The following TM9SF2 variants were observed in gnomAD, a reference collection of about 807,000 sequenced individuals.
TM9SF2 encodes the protein 76 kDa membrane protein.
A neutral mutation model predicts 84.9 loss-of-function variants in TM9SF2; 13 were observed. That is an observed-to-expected ratio of 0.15 (90% CI 0.10 to 0.24). TM9SF2 has a LOEUF of 0.24. TM9SF2 is among the 10% of genes least tolerant of loss of function. TM9SF2 has a pLI of 1.00. For synonymous variants in TM9SF2, 273 were observed against 285.8 expected, an observed-to-expected ratio of 0.96 and a Z score of 0.45; for missense variants, 562 against 818.5, an observed-to-expected ratio of 0.69 and a Z score of 3.82.
intron 1 of TM9SF2, among the ~76,000 whole-genome samples, chr13:99,516,144 A>G (rs1223262570): frequency 1.3e-5 from 2 of 152,208 alleles, no homozygotes; most frequent in African/African-American, 4.8e-5. Context: ...ACAGTTAGAC[A>G]AGTGATGGCC....
At chr13:99,548,215 A>G (rs1400958588) in intron 11 of TM9SF2, among the ~76,000 whole-genome samples, 1 of 151,822 alleles carries the variant, frequency 6.6e-6, no homozygotes, top group Non-Finnish European at 1.5e-5. Context: ...TCCCATCTGC[A>G]CTCCACTCAC....
intron 3 of TM9SF2, among the ~76,000 whole-genome samples, chr13:99,526,267 G>A (rs375527644): frequency 1.6e-4 from 25 of 152,352 alleles, no homozygotes; most frequent in African/African-American, 3.8e-4. Flanking sequence ...AGCAGCCAGC[G>A]TGCTTAATTG....
chr13:99,528,779 C>T (rs1470551132), intron 3 of TM9SF2, among the ~76,000 whole-genome samples: 1 of 152,210 alleles, frequency 6.6e-6, no homozygotes, highest in Non-Finnish European at 1.5e-5. Flanking sequence ...CTTAAACATT[C>T]ACTTAGCTGC....
At chr13:99,554,635 A>G (rs1380460521) in intron 14 of TM9SF2, among the ~76,000 whole-genome samples, 180 bp downstream of exon 14, 2 of 152,256 alleles carry the variant, frequency 1.3e-5, no homozygotes, top group Non-Finnish European at 2.9e-5. Flanking sequence ...AACAATAGTG[A>G]TAACAGCTAG....
intron 9 of TM9SF2, among the ~76,000 whole-genome samples, chr13:99,541,948 A>G (rs190461814): frequency 1.3e-5 from 2 of 152,152 alleles, no homozygotes; most frequent in East Asian, 3.9e-4. Context: ...TCAGGAGTTC[A>G]AGACCAGCCT....
intron 3 of TM9SF2, among the ~76,000 whole-genome samples, chr13:99,524,033 A>G (rs572753472): frequency 6.6e-6 from 1 of 152,308 alleles, no homozygotes; most frequent in African/African-American, 2.4e-5. Flanking sequence ...TGAGCAGGTG[A>G]GCAAGATAGA....
intron 14 of TM9SF2, among the ~76,000 whole-genome samples, chr13:99,554,667 GTTAATTCTTACTCTTCC>G (rs2046318928): frequency 6.6e-6 from 1 of 152,178 alleles, no homozygotes; most frequent in Non-Finnish European, 1.5e-5. Flanking sequence ...TTCAAGGCTT[GTTAATTCTTACTCTTCC>G]TTAATTCTTA....
chr13:99,503,670 A>G (rs1053141548), intron 1 of TM9SF2, among the ~76,000 whole-genome samples: 2 of 144,096 alleles, frequency 1.4e-5, no homozygotes, highest in Non-Finnish European at 3.0e-5. Flanking sequence ...AGATCGCGCC[A>G]TTGCACTCCA....
intron 11 of TM9SF2, among the ~76,000 whole-genome samples, chr13:99,548,327 CTGTT>C (rs1437157108): frequency 2.6e-5 from 4 of 152,168 alleles, no homozygotes; most frequent in African/African-American, 9.7e-5. Flanking sequence ...TCATAACAGT[CTGTT>C]TATCAGAAAC....
chr13:99,514,757 G>T (rs1350486338), intron 1 of TM9SF2, among the ~76,000 whole-genome samples: 1 of 152,196 alleles, frequency 6.6e-6, no homozygotes, highest in Non-Finnish European at 1.5e-5. Flanking sequence ...TACATTGACT[G>T]CATTCCAAGT....
chr13:99,517,826 G>A, intron 2 of TM9SF2, 145 bp downstream of exon 2: 1 of 423,684 alleles, frequency 2.4e-6, no homozygotes, highest in South Asian at 8.7e-5. Flanking sequence ...TTAAAAATGT[G>A]ATCTTTTTTT....
chr13:99,516,705 T>TCATTGC (rs1387187984), intron 1 of TM9SF2, among the ~76,000 whole-genome samples: 1 of 152,226 alleles, frequency 6.6e-6, no homozygotes, highest in Non-Finnish European at 1.5e-5. Context: ...CTTGATCTGG[T>TCATTGC]CATTGCCACC....
At chr13:99,539,209 C>CAAAAAAAAAAAAG (rs2046247570) in intron 6 of TM9SF2, among the ~76,000 whole-genome samples, 2 of 99,780 alleles carry the variant, frequency 2.0e-5, no homozygotes, top group Non-Finnish European at 4.3e-5. Flanking sequence ...GACCCTGTCC[C>CAAAAAAAAAAAAG]AAAAAAAAAA....
chr13:99,546,872 T>TAAAAA, intron 10 of TM9SF2, 113 bp from the exon 11 acceptor site: 1 of 1,433,972 alleles, frequency 7.0e-7, no homozygotes, highest in Non-Finnish European at 9.5e-7. Context: ...GCACATGGTT[T>TAAAAA]TGCGTGAAGT....
intron 4 of TM9SF2, among the ~76,000 whole-genome samples, chr13:99,531,189 A>G (rs554988356): frequency 6.6e-6 from 1 of 152,294 alleles, no homozygotes; most frequent in Non-Finnish European, 1.5e-5. Flanking sequence ...AAGACTTTCA[A>G]AATCCAACAT....
intron 6 of TM9SF2, among the ~76,000 whole-genome samples, chr13:99,538,213 T>C (rs2046242569): frequency 6.6e-6 from 1 of 152,182 alleles, no homozygotes; most frequent in Admixed American, 6.5e-5. Context: ...GTGGCTTTCC[T>C]CTGGTCAGAG....
intron 4 of TM9SF2, among the ~76,000 whole-genome samples, chr13:99,534,743 G>A (rs2046226220): frequency 6.6e-6 from 1 of 152,224 alleles, no homozygotes; most frequent in Non-Finnish European, 1.5e-5. Flanking sequence ...TTATCCTTGC[G>A]AGTCTTCTTC....
rs746738781 is a variant in TM9SF2 at position 99,539,515 on chromosome 13, T to C, written c.786T>C (p.Ser262=). The C allele has an allele frequency of 6.2e-7, 1 of 1,613,694 alleles. No homozygotes were observed. The highest frequency in any genetic ancestry group is 8.5e-7 in the Non-Finnish European group (1 of 1,179,732). Residue 262 remains serine (S), a synonymous_variant, in exon 7 of 17, where the codon TCT becomes TCC. Transcript: ENST00000376387. Reference sequence around the variant, plus strand: ...CCATGGACATAAGTAACAAGGCTTCTGGGGAGATAAAAATTGCCTATACTT... The same window carrying C: ...CCATGGACATAAGTAACAAGGCTTCCGGGGAGATAAAAATTGCCTATACTT... ...GPPMDISNKA[S]GEIKIAYTYS...
chr13:99,552,695 C>G (rs1391561200), intron 13 of TM9SF2, among the ~76,000 whole-genome samples: 1 of 152,220 alleles, frequency 6.6e-6, no homozygotes, highest in Non-Finnish European at 1.5e-5. Flanking sequence ...CCTCCACCTT[C>G]AGGGTTAAAG....
Sources: allele counts gnomAD v4.1 joint callset (sites outside exome capture counted in the v4.1 genomes callset), GRCh38; gene constraint gnomAD v4.1.1; transcripts MANE v1.5; gene names NCBI Gene and HGNC (gene_info 2026-07-23, HGNC 2026-07-21).